BEND5: variants seen among roughly 807,000 people sequenced by gnomAD.
The protein encoded by BEND5 is BEN domain-containing protein 5.
In BEND5, 22 loss-of-function variants were observed where a neutral mutation model predicts 43.9. That is an observed-to-expected ratio of 0.50 (90% CI 0.36 to 0.72). BEND5 has a LOEUF of 0.72. Among genes scored for constraint, BEND5 ranks in the 30% least tolerant of loss-of-function variants. The pLI, the probability that BEND5 is intolerant of heterozygous loss-of-function variation, is 0.00. For missense variants in BEND5, 428 were observed against 550.6 expected, an observed-to-expected ratio of 0.78 and a Z score of 2.23; for synonymous variants, 228 against 225.9, an observed-to-expected ratio of 1.01 and a Z score of -0.08.
intron 1 of BEND5, among the ~76,000 whole-genome samples, chr1:48,770,721 A>C (rs1292241371): frequency 2.0e-5 from 3 of 152,106 alleles, no homozygotes; most frequent in Admixed American, 6.5e-5. Context: ...TCAACCAGCT[A>C]CACTTCCAGG....
rs767779765 is a variant in BEND5 at position 48,759,107 on chromosome 1, G to C, written c.538C>G (p.Arg180Gly). ...MDSLEDAVVPRALYEELLRNY... is the reference protein window; with the variant it reads ...MDSLEDAVVPGALYEELLRNY... ...CGCAGCAGCTCCTCATACAGAGCCC[G>C]GGGCACCACAGCATCTTCTAGACTG... Residue 180 changes from arginine to glycine, a missense_variant, in exon 3 of 6, where the codon CGG becomes GGG. Physicochemically the swap from Arg to Gly is moderately radical, Grantham distance 125. Coordinates refer to ENST00000371833, the MANE Select transcript of BEND5 (RefSeq NM_024603.4). 2.5e-6 allele frequency: 4 copies of C among 1,611,706 alleles called. No individual in the cohort carries two copies. Among genetic ancestry groups the C allele is most frequent in the Non-Finnish European group, 2.5e-6 (3 of 1,178,812 alleles).
intron 2 of BEND5, among the ~76,000 whole-genome samples, chr1:48,760,278 C>A (rs1644185117): frequency 6.6e-6 from 1 of 152,196 alleles, no homozygotes; most frequent in African/African-American, 2.4e-5. Flanking sequence ...CAAATGAATT[C>A]TTCACTCAGG....
chr1:48,758,766 C>A, intron 3 of BEND5, 134 bp downstream of exon 3: 1 of 738,928 alleles, frequency 1.4e-6, no homozygotes. Context: ...CTTGAGGTAA[C>A]TGGTAAGCCA....
At chr1:48,773,137 C>T (rs569969808) in intron 1 of BEND5, among the ~76,000 whole-genome samples, 3 of 152,186 alleles carry the variant, frequency 2.0e-5, no homozygotes, top group South Asian at 4.1e-4. Context: ...AAGGAGACAT[C>T]TGAAACAAAA....
chr1:48,741,169 C>T (rs1264823173), intron 4 of BEND5, among the ~76,000 whole-genome samples: 4 of 152,194 alleles, frequency 2.6e-5, no homozygotes, highest in African/African-American at 9.7e-5. Context: ...AGTCACTCCA[C>T]AATGTGTTCA....
intron 1 of BEND5, among the ~76,000 whole-genome samples, chr1:48,768,574 A>G (rs1644648253): frequency 6.6e-6 from 1 of 152,202 alleles, no homozygotes; most frequent in Non-Finnish European, 1.5e-5. Context: ...GCAAGTCTGT[A>G]TTCAAAAGTG....
chr1:48,749,161 A>G (rs901562190), intron 3 of BEND5, among the ~76,000 whole-genome samples: 1 of 152,168 alleles, frequency 6.6e-6, no homozygotes, highest in Non-Finnish European at 1.5e-5. Context: ...TTCAAATGAC[A>G]TATTTGAGAA....
At chr1:48,753,253 T>C (rs968846021) in intron 3 of BEND5, among the ~76,000 whole-genome samples, 2 of 152,214 alleles carry the variant, frequency 1.3e-5, no homozygotes, top group Admixed American at 1.3e-4. Flanking sequence ...TGTCTGTATG[T>C]AGTGGGCTTT....
At chr1:48,752,173 T>C (rs1651848292) in intron 3 of BEND5, among the ~76,000 whole-genome samples, 1 of 152,194 alleles carries the variant, frequency 6.6e-6, no homozygotes, top group South Asian at 2.1e-4. Context: ...AAAATGGCTC[T>C]TGTCCACCCG....
chr1:48,753,549 G>A (rs1329645383), intron 3 of BEND5, among the ~76,000 whole-genome samples: 1 of 152,180 alleles, frequency 6.6e-6, no homozygotes, highest in Non-Finnish European at 1.5e-5. Flanking sequence ...CAGCACACAA[G>A]GCACAAACCC....
intron 1 of BEND5, among the ~76,000 whole-genome samples, 162 bp downstream of exon 1, chr1:48,776,444 A>G (rs561445500): frequency 2.0e-5 from 3 of 152,324 alleles, no homozygotes; most frequent in Non-Finnish European, 2.9e-5. Context: ...CTGGCCTCTT[A>G]GAGACACCCC....
At chr1:48,733,510 T>G (rs1015288622) in intron 5 of BEND5, among the ~76,000 whole-genome samples, 1 of 152,180 alleles carries the variant, frequency 6.6e-6, no homozygotes, top group African/African-American at 2.4e-5. Context: ...GTAAAAAAAT[T>G]TAAAAACGGC....
intron 5 of BEND5, among the ~76,000 whole-genome samples, chr1:48,735,802 T>A (rs2148573997): frequency 6.6e-6 from 1 of 151,828 alleles, no homozygotes; most frequent in African/African-American, 2.4e-5. Flanking sequence ...ACAGCAGCAT[T>A]CCTTTCCCAT....
At chr1:48,751,958 A>T (rs1036095780) in intron 3 of BEND5, among the ~76,000 whole-genome samples, 1 of 152,188 alleles carries the variant, frequency 6.6e-6, no homozygotes, top group African/African-American at 2.4e-5. Flanking sequence ...GCAACAGTTC[A>T]AAAAAAGTCC....
In BEND5 at chr1:48,759,113, C is replaced by T. The variant is rs1208696701; in HGVS notation, c.532G>A (p.Val178Met). The change falls in exon 3 of 6, where the codon GTG becomes ATG. Residue 178 changes from valine to methionine, a missense_variant. Physicochemically the swap from Val to Met is conservative, Grantham distance 21. Around this residue, in one of 4 missense-constraint regions of BEND5, gnomAD observed 243 missense variants for 286.4 expected, o/e 0.85. Coordinates refer to ENST00000371833, the MANE Select transcript of BEND5 (RefSeq NM_024603.4). The part of the protein sequence containing the change: ...EDMDSLEDAV[V>M]PRALYEELLR... ...AGCTCCTCATACAGAGCCCGGGGCACCACAGCATCTTCTAGACTGTCCATG... is the reference window on the plus strand; with the variant it reads ...AGCTCCTCATACAGAGCCCGGGGCATCACAGCATCTTCTAGACTGTCCATG... The T allele has an allele frequency of 3.7e-6, 6 of 1,612,100 alleles. No homozygotes were observed. The highest frequency in any genetic ancestry group is 5.1e-6 in the Non-Finnish European group (6 of 1,178,930).
At chr1:48,743,272 A>T (rs1334070272) in intron 3 of BEND5, among the ~76,000 whole-genome samples, 2 of 152,184 alleles carry the variant, frequency 1.3e-5, no homozygotes, top group African/African-American at 4.8e-5. Flanking sequence ...CATTTGAATC[A>T]AGAAATTAAA....
At chr1:48,735,084 G>T (rs991885276) in intron 5 of BEND5, among the ~76,000 whole-genome samples, 3 of 152,188 alleles carry the variant, frequency 2.0e-5, no homozygotes, top group Admixed American at 6.5e-5. Context: ...CAACAGTAGG[G>T]TTGCTATGAG....
In BEND5 at chr1:48,727,797, C is replaced by G; in HGVS notation, c.*89G>C. On this transcript the variant is annotated 3_prime_UTR_variant, in exon 6 of 6. Coordinates refer to ENST00000371833, the MANE Select transcript of BEND5 (RefSeq NM_024603.4). ...GGATCCCTGCACACACACCACCATGCACGGTGGGGTCTGATTTGGACGGCA... is the reference window on the plus strand; with the variant it reads ...GGATCCCTGCACACACACCACCATGGACGGTGGGGTCTGATTTGGACGGCA... 5.4e-6 allele frequency: 7 copies of G among 1,291,780 alleles called. No homozygotes were observed. Among genetic ancestry groups the G allele is most frequent in the Non-Finnish European group, 6.6e-6 (6 of 913,068 alleles). 80.0% of individuals were successfully genotyped at this position (1,291,780 alleles called of 1,614,324 possible).
chr1:48,769,418 C>T (rs1890730), intron 1 of BEND5, among the ~76,000 whole-genome samples: 148,300 of 152,000 alleles, frequency 0.98, 72,438 homozygotes, highest in East Asian at 1. Context: ...ACCAGGGCTG[C>T]TGCCAACACA....
Sources: allele counts gnomAD v4.1 joint callset (sites outside exome capture counted in the v4.1 genomes callset), GRCh38; gene constraint gnomAD v4.1.1; regional missense constraint gnomAD v4.1.1; transcripts MANE v1.5; gene names NCBI Gene and HGNC (gene_info 2026-07-23, HGNC 2026-07-21).